The following CPEB3 variants were observed in gnomAD, a reference collection of about 807,000 sequenced individuals.
CPEB3 encodes the protein cytoplasmic polyadenylation element-binding protein 3.
CPEB3 carries 20 observed loss-of-function variants against 67.2 expected under a neutral mutation model. The observed-to-expected ratio is 0.30, with a 90% confidence interval of 0.21 to 0.43. The LOEUF is 0.43. CPEB3 is among the 20% of genes least tolerant of loss of function. The probability of loss-of-function intolerance (pLI) is 1.00; values close to 1 mark genes in which losing one functional copy is unlikely to be tolerated. For synonymous variants in CPEB3, 376 were observed against 393.1 expected, an observed-to-expected ratio of 0.96 and a Z score of 0.51; for missense variants, 746 against 968.6, an observed-to-expected ratio of 0.77 and a Z score of 3.05.
In CPEB3 at chr10:92,050,014, T is replaced by C. The variant is rs1189544349; in HGVS notation, c.*2198A>G. The C allele has an allele frequency of 6.6e-6, 1 of 152,346 alleles. No individual in the cohort carries two copies. Among genetic ancestry groups the C allele is most frequent in the Non-Finnish European group, 1.5e-5 (1 of 67,972 alleles). 9.4% of individuals were successfully genotyped at this position (152,346 alleles called of 1,614,324 possible). ...TCATTTTCTTTCCTATATTTCAAAA[T>C]TGAGGTATTGCAAAAGATCATGTCA... On this transcript the variant is annotated 3_prime_UTR_variant, in exon 10 of 10. Transcript: ENST00000265997.
intron 6 of CPEB3, among the ~76,000 whole-genome samples, chr10:92,125,197 A>G (rs1223876911): frequency 1.3e-5 from 2 of 152,238 alleles, no homozygotes; most frequent in African/African-American, 4.8e-5. Context: ...TCACTCTTGT[A>G]TAAAGCTGTG....
At chr10:92,276,272 CTTTTCT>C (rs1272616785) in intron 1 of CPEB3, among the ~76,000 whole-genome samples, 2 of 134,468 alleles carry the variant, frequency 1.5e-5, no homozygotes, top group East Asian at 2.2e-4. Flanking sequence ...GCTTTTTTTT[CTTTTCT>C]TTTTTTTTTT....
chr10:92,269,695 T>C (rs910669365), intron 1 of CPEB3, among the ~76,000 whole-genome samples: 6 of 152,034 alleles, frequency 3.9e-5, no homozygotes, highest in Non-Finnish European at 7.4e-5. Flanking sequence ...GTAGCTGGGA[T>C]TACAGGCATG....
chr10:92,113,346 T>G (rs550028980), intron 6 of CPEB3, among the ~76,000 whole-genome samples: 1 of 152,300 alleles, frequency 6.6e-6, no homozygotes, highest in South Asian at 2.1e-4. Context: ...ATCTTAAAAA[T>G]TCAGTGTTTT....
At chr10:92,077,100 T>A (rs981565619) in intron 9 of CPEB3, among the ~76,000 whole-genome samples, 1 of 152,082 alleles carries the variant, frequency 6.6e-6, no homozygotes, top group Non-Finnish European at 1.5e-5. Flanking sequence ...TGATAGAAAT[T>A]CTCTGTAGAC....
chr10:92,246,978 A>G (rs910195395), intron 1 of CPEB3, among the ~76,000 whole-genome samples: 6 of 152,228 alleles, frequency 3.9e-5, no homozygotes, highest in African/African-American at 9.6e-5. Context: ...TTGTTAAACC[A>G]TAATTAACAC....
intron 2 of CPEB3, among the ~76,000 whole-genome samples, chr10:92,205,933 A>G (rs1849765714): frequency 6.6e-6 from 1 of 152,190 alleles, no homozygotes; most frequent in African/African-American, 2.4e-5. Context: ...TTAATAAAGC[A>G]TCTAAAATGG....
chr10:92,214,768 G>A (rs895945239), intron 2 of CPEB3, among the ~76,000 whole-genome samples: 1 of 151,984 alleles, frequency 6.6e-6, no homozygotes, highest in Non-Finnish European at 1.5e-5. Context: ...TTACATGCAT[G>A]AGCCACTATG....
intron 9 of CPEB3, among the ~76,000 whole-genome samples, chr10:92,074,834 G>T (rs1288831346): frequency 1.3e-5 from 2 of 152,176 alleles, no homozygotes; most frequent in Non-Finnish European, 2.9e-5. Context: ...AAAATGACTT[G>T]GAGATGGGAT....
intron 7 of CPEB3, among the ~76,000 whole-genome samples, chr10:92,103,227 A>C (rs1478194452): frequency 6.6e-6 from 1 of 152,178 alleles, no homozygotes; most frequent in Non-Finnish European, 1.5e-5. Context: ...GGTGAGACCC[A>C]CTCAATGATC....
chr10:92,277,141 T>G (rs1193091848), intron 1 of CPEB3, among the ~76,000 whole-genome samples: 1 of 152,238 alleles, frequency 6.6e-6, no homozygotes, highest in Non-Finnish European at 1.5e-5. Context: ...AAAAAAAGTT[T>G]TGACTAAGTC....
chr10:92,227,801 C>T (rs1341767006), intron 2 of CPEB3, among the ~76,000 whole-genome samples: 1 of 152,262 alleles, frequency 6.6e-6, no homozygotes, highest in African/African-American at 2.4e-5. Context: ...CTGTGTTAGC[C>T]AGGATGGTCT....
chr10:92,100,276 G>T (rs866504676), intron 7 of CPEB3, among the ~76,000 whole-genome samples: 361 of 151,150 alleles, frequency 2.4e-3, no homozygotes, highest in Non-Finnish European at 4.5e-3. Context: ...GTTTTTTTTT[G>T]TTTGTTTGTT....
At chr10:92,072,051 G>A (rs1462776360) in intron 9 of CPEB3, among the ~76,000 whole-genome samples, 3 of 152,146 alleles carry the variant, frequency 2.0e-5, no homozygotes, top group East Asian at 1.9e-4. Flanking sequence ...AGGAATATAA[G>A]CAAAATTTAA....
chr10:92,157,869 A>C (rs1296738837), intron 4 of CPEB3, among the ~76,000 whole-genome samples: 1 of 152,172 alleles, frequency 6.6e-6, no homozygotes, highest in African/African-American at 2.4e-5. Flanking sequence ...CCAACAACAA[A>C]AAAATAATTT....
At chr10:92,145,148 A>G (rs1029882337) in intron 4 of CPEB3, 63 bp from the exon 5 acceptor site, 4 of 1,585,032 alleles carry the variant, frequency 2.5e-6, no homozygotes, top group Non-Finnish European at 3.5e-6. Flanking sequence ...AATTAAAATG[A>G]TTTTCTAGGA....
chr10:92,284,012 C>A (rs919786253), intron 1 of CPEB3, among the ~76,000 whole-genome samples: 9 of 149,290 alleles, frequency 6.0e-5, no homozygotes, highest in African/African-American at 2.0e-4. Flanking sequence ...CAGGTGTGAG[C>A]CACTGTGCCC....
chr10:92,190,881 A>G (rs1240657109), intron 3 of CPEB3, among the ~76,000 whole-genome samples: 2 of 152,126 alleles, frequency 1.3e-5, no homozygotes, highest in Admixed American at 1.3e-4. Flanking sequence ...TATGTGCAAG[A>G]ACTCATCCAT....
intron 4 of CPEB3, among the ~76,000 whole-genome samples, chr10:92,176,442 C>T (rs1325595337): frequency 6.6e-6 from 1 of 152,230 alleles, no homozygotes; most frequent in Non-Finnish European, 1.5e-5. Context: ...ATGGGATCTA[C>T]CTAACTCCAG....
Sources: allele counts gnomAD v4.1 joint callset (sites outside exome capture counted in the v4.1 genomes callset), GRCh38; gene constraint gnomAD v4.1.1; transcripts MANE v1.5; gene names NCBI Gene and HGNC (gene_info 2026-07-23, HGNC 2026-07-21).